THOC2: variants seen among roughly 807,000 people sequenced by gnomAD.
THOC2 encodes THO complex 2.
In THOC2, 10 loss-of-function variants were observed where a neutral mutation model predicts 128.4. The ratio of observed to expected loss-of-function variants is 0.08; its 90% confidence interval spans 0.05 to 0.13. THOC2 has a LOEUF of 0.13. Ranked by LOEUF, THOC2 falls within the 10% of genes least tolerant of loss-of-function variation. THOC2 has a pLI of 1.00. For missense variants in THOC2, 535 were observed against 1,155.7 expected (o/e 0.46, Z 7.79); for synonymous variants, 393 against 396.9 (o/e 0.99, Z 0.12).
chrX:123,637,664 G>A (rs1481077151), intron 18 of THOC2, among the ~76,000 whole-genome samples: 7 of 111,103 alleles, frequency 6.3e-5, no homozygotes. Flanking sequence ...GGAGGCTGAG[G>A]CAGGAGAATT....
chrX:123,701,227 G>A lies in THOC2; in HGVS notation c.274+2227C>T, dbSNP rs371257226. Among the ~76,000 whole-genome samples, 639 of 111,509 alleles carry A rather than the reference G, an allele frequency of 5.7e-3. 4 individuals are homozygous for A. The highest frequency in any genetic ancestry group is 0.019 in the Middle Eastern group (4 of 210). On this transcript the variant is annotated intron_variant, in intron 4 of 38. Coordinates refer to ENST00000245838, the MANE Select transcript of THOC2 (RefSeq NM_001081550.2). ...AAAAATTAGCCAGGCGTGGTGGCAC[G>A]CGCCTGTAATCCCAGCTACTCAGGA...
intron 8 of THOC2, among the ~76,000 whole-genome samples, chrX:123,674,801 T>C (rs748940300): frequency 9.9e-5 from 11 of 111,186 alleles, no homozygotes; most frequent in Admixed American, 8.7e-4. Flanking sequence ...TTCACTTCAA[T>C]AGTGTACAAA....
At chrX:123,657,554 T>G (rs2048649348) in intron 12 of THOC2, among the ~76,000 whole-genome samples, 1 of 110,892 alleles carries the variant, frequency 9.0e-6, no homozygotes, top group Admixed American at 9.7e-5. Flanking sequence ...GAGAACACCT[T>G]GCTTATGGAG....
At chrX:123,666,468 G>C (rs2049055756) in intron 11 of THOC2, among the ~76,000 whole-genome samples, 1 of 111,463 alleles carries the variant, frequency 9.0e-6, no homozygotes, top group African/African-American at 3.3e-5. Context: ...GGCCCATGAA[G>C]TGACACTGAC....
At position 123,623,122 on chromosome X, in the gene THOC2, C is replaced by T; in HGVS notation, c.3665G>A (p.Ser1222Asn). The T allele has an allele frequency of 8.3e-7, 1 of 1,209,702 alleles. No individual in the cohort carries two copies. Among genetic ancestry groups the T allele is most frequent in the Non-Finnish European group, 1.1e-6 (1 of 894,535 alleles). ...SIGSASKSDE[S>N]STEETDKSRE... ...AAGCATACCAGTCTCCTCAGTACTG[C>T]TTTCATCCGATTTAGATGCACTTCC... Residue 1222 changes from serine (S) to asparagine (N), a missense_variant, in exon 29 of 39, where the codon AGC becomes AAC. Ser to Asn is a conservative substitution (Grantham distance 46). Transcript: ENST00000245838.
intron 33 of THOC2, among the ~76,000 whole-genome samples, chrX:123,615,904 C>T (rs907255603): frequency 9.0e-6 from 1 of 111,109 alleles, no homozygotes; most frequent in African/African-American, 3.3e-5. Context: ...TGCATAAAAA[C>T]AGAGTTTCTC....
Position 123,621,302 on chromosome X carries a change from C to T in THOC2, c.4071G>A (p.Arg1357=). 8.3e-7 allele frequency: 1 copy of T among 1,210,803 alleles called. No individual in the cohort carries two copies. The change falls in exon 31 of 39, where the codon AGG becomes AGA. Residue 1357 remains arginine, a synonymous_variant. Transcript: ENST00000245838. Reference sequence around the variant, plus strand: ...CTCTGGATGGCTCCTTCTCTCTTTCCCTTTCTTGAGTTGATTTTGATTCTG... The same window carrying T: ...CTCTGGATGGCTCCTTCTCTCTTTCTCTTTCTTGAGTTGATTTTGATTCTG... The part of the protein sequence containing the change: ...PNAESKSTQE[R]EREKEPSRER...
At chrX:123,640,733 A>G (rs905712644) in intron 15 of THOC2, 111 bp from the exon 16 acceptor site, 4 of 415,700 alleles carry the variant, frequency 9.6e-6, no homozygotes, top group Non-Finnish European at 1.7e-5. Context: ...CCAAATATCC[A>G]AAATGGATTC....
Position 123,632,577 on chromosome X carries a change from T to C in THOC2, c.2316+284A>G, listed in dbSNP as rs2047528320. 2.7e-5 allele frequency among the ~76,000 whole-genome samples: 3 copies of C among 109,908 alleles called. No homozygotes were observed. The South Asian group carries it at 1.2e-3, about 43-fold the overall frequency. The stretch of plus-strand genomic sequence containing the variant: ...GCATCTATTCTGTTATGACTGAGAT[T>C]TCCAGAGATCGGGAAAGATATAAAT... On this transcript the variant is annotated intron_variant, in intron 21 of 38. Coordinates refer to ENST00000245838, the MANE Select transcript of THOC2 (RefSeq NM_001081550.2).
intron 1 of THOC2, among the ~76,000 whole-genome samples, chrX:123,717,798 C>T (rs749782847): frequency 2.7e-5 from 3 of 111,754 alleles, no homozygotes; most frequent in Non-Finnish European, 3.8e-5. Context: ...TCTGTATCCA[C>T]GGGGGATTGG....
Position 123,609,443 on chromosome X carries a change from C to A in THOC2, c.*18+1475G>T, listed in dbSNP as rs758606571. Reference sequence around the variant, plus strand: ...ATGTGTTGACTATAAGGCAACCTCTCGAATCCCTGCTTTGCAGCCAAAATA... The same window carrying A: ...ATGTGTTGACTATAAGGCAACCTCTAGAATCCCTGCTTTGCAGCCAAAATA... On this transcript the variant is annotated intron_variant, in intron 38 of 38. Transcript: ENST00000245838. Among the ~76,000 whole-genome samples, 3 of 111,943 alleles carry A rather than the reference C, an allele frequency of 2.7e-5. No individual in the cohort carries two copies. The South Asian group carries it at 1.1e-3, about 43-fold the overall frequency.
intron 32 of THOC2, 25 bp downstream of exon 32, chrX:123,620,882 G>A (rs776207664): frequency 1.7e-6 from 2 of 1,196,772 alleles, no homozygotes; most frequent in African/African-American, 1.8e-5. Flanking sequence ...TAACATGGAC[G>A]CTGCCTTCCT....
In THOC2 at chrX:123,720,825, C is replaced by T. The variant is rs139539922; in HGVS notation, c.72-7917G>A. ...TAAGAAGACAGCCACAGGACAAATACTGTATGATTCTACTTATATAAAGTA... is the reference window on the plus strand; with the variant it reads ...TAAGAAGACAGCCACAGGACAAATATTGTATGATTCTACTTATATAAAGTA... On this transcript the variant is annotated intron_variant, in intron 1 of 38. Coordinates refer to ENST00000245838, the MANE Select transcript of THOC2 (RefSeq NM_001081550.2). 1.2e-4 allele frequency among the ~76,000 whole-genome samples: 14 copies of T among 112,055 alleles called. No individual in the cohort carries two copies. The East Asian group carries it at 3.9e-3, about 31-fold the overall frequency.
At chrX:123,638,897 A>G in intron 17 of THOC2, 37 bp downstream of exon 17, 1 of 811,977 alleles carries the variant, frequency 1.2e-6, no homozygotes, top group Non-Finnish European at 1.8e-6. Context: ...GATCTATTAA[A>G]TATGAAATCT....
chrX:123,629,622 T>C (rs924144974), intron 22 of THOC2, among the ~76,000 whole-genome samples: 43 of 111,370 alleles, frequency 3.9e-4, no homozygotes, highest in African/African-American at 1.3e-3. Flanking sequence ...ATCCCCATTT[T>C]AGAGAGCATG....
chrX:123,690,431 G>A (rs970999044), intron 7 of THOC2, among the ~76,000 whole-genome samples: 1 of 111,862 alleles, frequency 8.9e-6, no homozygotes, highest in Non-Finnish European at 1.9e-5. Context: ...AAATGTTTAC[G>A]CTACCCTTGA....
At chrX:123,663,634 T>C (rs752482206) in intron 12 of THOC2, among the ~76,000 whole-genome samples, 1 of 110,424 alleles carries the variant, frequency 9.1e-6, no homozygotes, top group Admixed American at 9.6e-5. Flanking sequence ...TTTTTTTTTT[T>C]TTATACTTCA....
chrX:123,683,648 G>A (rs1467213045), intron 8 of THOC2, among the ~76,000 whole-genome samples: 1 of 108,688 alleles, frequency 9.2e-6, no homozygotes, highest in Non-Finnish European at 1.9e-5. Context: ...GCCCAGGCTG[G>A]AGTGCAATGG....
At chrX:123,661,274 G>A (rs772008848) in intron 12 of THOC2, among the ~76,000 whole-genome samples, 17 of 110,973 alleles carry the variant, frequency 1.5e-4, no homozygotes, top group South Asian at 7.7e-4. Flanking sequence ...GCGTGGTGGC[G>A]GGCACCTGTA....
Sources: allele counts gnomAD v4.1 joint callset (sites outside exome capture counted in the v4.1 genomes callset), GRCh38; gene constraint gnomAD v4.1.1; transcripts MANE v1.5; gene names NCBI Gene and HGNC (gene_info 2026-07-23, HGNC 2026-07-21).